Variants in CLOCK observed in about 807,000 individuals in gnomAD.
CLOCK encodes the protein clock circadian regulator.
A neutral mutation model predicts 118.4 loss-of-function variants in CLOCK; 43 were observed. The ratio of observed to expected loss-of-function variants is 0.36; its 90% CI spans 0.28 to 0.47. The LOEUF (loss-of-function observed/expected upper bound fraction) is 0.47. CLOCK is among the 20% of genes least tolerant of loss of function. The pLI is 1.00. For synonymous variants in CLOCK, 326 were observed against 339.2 expected (o/e 0.96, Z 0.43); for missense variants, 846 against 999.9 (o/e 0.85, Z 2.08).
intron 15 of CLOCK, 105 bp from the exon 16 acceptor site, chr4:55,450,337 A>G: frequency 7.6e-7 from 1 of 1,315,024 alleles, no homozygotes; most frequent in Non-Finnish European, 1.1e-6. Context: ...TGTCTATAAC[A>G]AGGCAAAAGT....
At chr4:55,446,646 C>T (rs1577689335) in intron 18 of CLOCK, among the ~76,000 whole-genome samples, 2 of 152,148 alleles carry the variant, frequency 1.3e-5, no homozygotes, top group South Asian at 4.1e-4. Flanking sequence ...AATCTTATTT[C>T]TCTGTTTTAC....
intron 19 of CLOCK, 115 bp from the exon 20 acceptor site, chr4:55,444,011 TAA>T: frequency 3.7e-6 from 3 of 821,426 alleles, no homozygotes; most frequent in Admixed American, 2.6e-5. Context: ...GTAACAAGGC[TAA>T]GTCACTTTGA....
intron 1 of CLOCK, among the ~76,000 whole-genome samples, chr4:55,524,445 A>G (rs1730042702): frequency 6.6e-6 from 1 of 151,884 alleles, no homozygotes; most frequent in Admixed American, 6.6e-5. Context: ...GAAAATATTA[A>G]TACCTATTAA....
At chr4:55,543,079 AT>A (rs1008698172) in intron 1 of CLOCK, among the ~76,000 whole-genome samples, 1 of 152,050 alleles carries the variant, frequency 6.6e-6, no homozygotes, top group South Asian at 2.1e-4. Context: ...CATCTGGCTA[AT>A]TTTTTTTAAA....
chr4:55,510,131 T>A (rs1027535386), intron 1 of CLOCK, 66 bp from the exon 2 acceptor site: 1 of 152,234 alleles, frequency 6.6e-6, no homozygotes, highest in Non-Finnish European at 1.5e-5. Flanking sequence ...ATCACTAGTA[T>A]TTTTGTTTCA....
At chr4:55,472,940 T>G (rs1198688356) in intron 7 of CLOCK, among the ~76,000 whole-genome samples, 1 of 152,158 alleles carries the variant, frequency 6.6e-6, no homozygotes, top group Non-Finnish European at 1.5e-5. Flanking sequence ...GGGTCAAAAG[T>G]AGACAACTGT....
Position 55,449,400 on chromosome 4 carries a change from C to T in CLOCK, c.1445G>A (p.Ser482Asn). Residue 482 changes from serine (S) to asparagine (N), a missense_variant, in exon 17 of 23, where the codon AGT becomes AAT. By Grantham distance (46) the Ser-to-Asn change is conservative. Around this residue, in one of 4 missense-constraint regions of CLOCK, gnomAD observed 520 missense variants for 558.0 expected, o/e 0.93. Coordinates refer to ENST00000513440, the MANE Select transcript of CLOCK (RefSeq NM_004898.4). Reference protein sequence around the residue: ...KMVQRRSSFSSQSINSQSVGS... With the variant: ...KMVQRRSSFSNQSINSQSVGS... ...AATATCCACTAAAGAGCTTACCTGA[C>T]TACTAAATGATGACCTTCTTTGCAC... 1 of 1,612,888 alleles carries T rather than the reference C, an allele frequency of 6.2e-7. No individual in the cohort carries two copies. Among genetic ancestry groups the T allele is most frequent in the Non-Finnish European group, 8.5e-7 (1 of 1,178,938 alleles).
chr4:55,521,456 G>A (rs1034857954), intron 1 of CLOCK, among the ~76,000 whole-genome samples: 2 of 152,210 alleles, frequency 1.3e-5, no homozygotes, highest in Admixed American at 6.5e-5. Flanking sequence ...GACCTAAGGT[G>A]ATCCACCTGC....
Position 55,449,015 on chromosome 4 carries a change from C to G in CLOCK, c.1450-147G>C, listed in dbSNP as rs62303709. ...GCTGAATACAGCTATGTCTTCTCAT[C>G]TATATTGGAAAGGCCTGTTCCCTAT... On this transcript the variant is annotated intron_variant, in intron 17 of 22. Coordinates refer to ENST00000513440, the MANE Select transcript of CLOCK (RefSeq NM_004898.4). 65 of 676,320 alleles carry G rather than the reference C, an allele frequency of 9.6e-5. No individual in the cohort carries two copies. The Admixed American group carries it at 1.6e-3, about 16-fold the overall frequency. The allele number at this position is 676,320 out of a possible 1,614,324, so 41.9% of individuals were successfully genotyped here.
At chr4:55,513,159 A>G (rs1044252694) in intron 1 of CLOCK, among the ~76,000 whole-genome samples, 1 of 152,132 alleles carries the variant, frequency 6.6e-6, no homozygotes, top group Admixed American at 6.6e-5. Context: ...CTCCATGGTA[A>G]GTACTCTATA....
At chr4:55,482,891 T>A in intron 3 of CLOCK, 63 bp from the exon 4 acceptor site, 4 of 748,602 alleles carry the variant, frequency 5.3e-6, no homozygotes, top group Non-Finnish European at 9.1e-6. Context: ...CACAAACTTA[T>A]CTTGAGAAAT....
intron 2 of CLOCK, among the ~76,000 whole-genome samples, chr4:55,497,927 C>A (rs1188542422): frequency 3.4e-5 from 5 of 145,486 alleles, no homozygotes; most frequent in African/African-American, 5.1e-5. Context: ...TTTAAAAGGG[C>A]AAATGTATAT....
At chr4:55,511,041 G>C (rs1159458341) in intron 1 of CLOCK, among the ~76,000 whole-genome samples, 1 of 152,114 alleles carries the variant, frequency 6.6e-6, no homozygotes, top group Non-Finnish European at 1.5e-5. Flanking sequence ...GGGGACCTTT[G>C]CAAGAGCCCA....
In CLOCK at chr4:55,482,836, G is replaced by T. The variant is rs1408212757; in HGVS notation, c.-43-8C>A. 2.2e-6 allele frequency: 3 copies of T among 1,343,534 alleles called. No homozygotes were observed. Among genetic ancestry groups the T allele is most frequent in the African/African-American group, 2.9e-5 (2 of 68,690 alleles). 83.2% of individuals were successfully genotyped at this position (1,343,534 alleles called of 1,614,324 possible). A position where few individuals can be genotyped will look rare whatever the true frequency, so the allele number is the denominator to read the frequency against. ...TAGACATTTGTACTTCTCCTTAGGT[G>T]AAAAGAAAAATAAATGGTCATTAGT... On this transcript the variant is annotated splice_region_variant and splice_polypyrimidine_tract_variant and intron_variant, in intron 3 of 22. Transcript: ENST00000513440.
At chr4:55,521,225 T>G (rs13115570) in intron 1 of CLOCK, among the ~76,000 whole-genome samples, 46,288 of 151,944 alleles carry the variant, frequency 0.3, 7,661 homozygotes, top group East Asian at 0.58. Flanking sequence ...TCTATTTTTT[T>G]TGTGTTTTTT....
intron 8 of CLOCK, among the ~76,000 whole-genome samples, chr4:55,468,498 A>G (rs965873341): frequency 4.6e-5 from 7 of 152,212 alleles, no homozygotes; most frequent in African/African-American, 1.7e-4. Flanking sequence ...TACTTTTCTA[A>G]TTCTCTATCC....
rs772783294 is a variant in CLOCK at position 55,458,970 on chromosome 4, T to C, written c.714A>G (p.Gln238=). 3 of 1,613,968 alleles carry C rather than the reference T, an allele frequency of 1.9e-6. No homozygotes were observed. Among genetic ancestry groups the C allele is most frequent in the Non-Finnish European group, 2.5e-6 (3 of 1,179,922 alleles). The change falls in exon 11 of 23, where the codon CAA becomes CAG. Residue 238 remains glutamine, a synonymous_variant. Coordinates refer to ENST00000513440, the MANE Select transcript of CLOCK (RefSeq NM_004898.4). ...SAHNGFEGTI[Q]RTHRPSYEDR... ...CTTCATAAGATGGCCTATGTGTGCG[T>C]TGTATAGTTCCTTCAAAACCATTGT...
At position 55,435,315 on chromosome 4, in the gene CLOCK, T is replaced by C; in HGVS notation, c.*100A>G. The C allele has an allele frequency of 1.4e-6, 2 of 1,416,986 alleles. No homozygotes were observed. Among genetic ancestry groups the C allele is most frequent in the Non-Finnish European group, 2.0e-6 (2 of 1,005,700 alleles). The allele number at this position is 1,416,986 out of a possible 1,614,324, so 87.8% of individuals were successfully genotyped here. A position where few individuals can be genotyped will look rare whatever the true frequency, so the allele number is the denominator to read the frequency against. ...CTAGAACACTCAATACTGCATCTCATGAAACTGCTGGAACTTTCCCTCCTT... is the reference window on the plus strand; with the variant it reads ...CTAGAACACTCAATACTGCATCTCACGAAACTGCTGGAACTTTCCCTCCTT... On this transcript the variant is annotated 3_prime_UTR_variant, in exon 23 of 23. Transcript: ENST00000513440.
intron 1 of CLOCK, among the ~76,000 whole-genome samples, chr4:55,526,053 G>C (rs759215004): frequency 6.6e-6 from 1 of 151,988 alleles, no homozygotes; most frequent in Non-Finnish European, 1.5e-5. Flanking sequence ...TCAGATTTTC[G>C]GGATACTCAA....
Sources: gnomAD v4.1 joint callset for allele counts (sites outside exome capture counted in the v4.1 genomes callset) on GRCh38, gnomAD v4.1.1 for gene constraint, gnomAD v4.1.1 regional missense constraint, MANE v1.5 for transcripts, NCBI Gene and HGNC (gene_info 2026-07-23, HGNC 2026-07-21) for gene names.